The following GOLM2 variants were observed in gnomAD, a reference collection of about 807,000 sequenced individuals.
The protein encoded by GOLM2 is protein GOLM2.
A neutral mutation model predicts 55.9 loss-of-function variants in GOLM2; 26 were observed. That is an observed-to-expected ratio of 0.47 (90% CI 0.34 to 0.65). GOLM2 has a LOEUF of 0.65. GOLM2 is among the 30% of genes least tolerant of loss of function. The probability of loss-of-function intolerance (pLI) is 0.01; values close to 1 mark genes in which losing one functional copy is unlikely to be tolerated. For synonymous variants in GOLM2, 165 were observed against 194.6 expected, an observed-to-expected ratio of 0.85 and a Z score of 1.27; for missense variants, 486 against 531.8, an observed-to-expected ratio of 0.91 and a Z score of 0.85.
At chr15:44,372,236 C>T (rs1324835790) in intron 6 of GOLM2, among the ~76,000 whole-genome samples, 5 of 152,176 alleles carry the variant, frequency 3.3e-5, no homozygotes, top group East Asian at 1.9e-4. Context: ...ATGTTCAGTA[C>T]GTCTGTGGTA....
chr15:44,385,635 C>G (rs901305853), intron 8 of GOLM2, among the ~76,000 whole-genome samples: 4 of 152,168 alleles, frequency 2.6e-5, no homozygotes, highest in Non-Finnish European at 4.4e-5. Context: ...CAGCCTCAAA[C>G]TCCTAGGCTC....
intron 6 of GOLM2, chr15:44,348,432 C>A (rs2079139398): frequency 6.6e-6 from 1 of 151,310 alleles, no homozygotes; most frequent in African/African-American, 2.4e-5. Context: ...CAGTACTCCC[C>A]ATGGGCCTGT....
intron 6 of GOLM2, among the ~76,000 whole-genome samples, chr15:44,374,387 G>A (rs922308722): frequency 1.3e-5 from 2 of 151,792 alleles, no homozygotes; most frequent in Non-Finnish European, 2.9e-5. Context: ...GATGGTTCAC[G>A]CCTGTAATCC....
chr15:44,290,044 G>T (rs547820474), intron 1 of GOLM2, among the ~76,000 whole-genome samples: 15 of 152,076 alleles, frequency 9.9e-5, no homozygotes, highest in Non-Finnish European at 2.2e-4. Context: ...TTTAAGCAGT[G>T]GAATGTCATG....
At chr15:44,308,940 C>T (rs1053278510) in intron 1 of GOLM2, among the ~76,000 whole-genome samples, 5 of 152,054 alleles carry the variant, frequency 3.3e-5, no homozygotes, top group African/African-American at 4.8e-5. Context: ...AATGTAATAA[C>T]AATGAACAAC....
intron 8 of GOLM2, among the ~76,000 whole-genome samples, chr15:44,384,702 G>A (rs190932517): frequency 1.6e-4 from 24 of 151,238 alleles, no homozygotes; most frequent in East Asian, 5.9e-4. Flanking sequence ...AGCCAAGATC[G>A]CGCCACTGCA....
intron 8 of GOLM2, among the ~76,000 whole-genome samples, chr15:44,399,704 A>T (rs1294586210): frequency 2.0e-5 from 3 of 152,056 alleles, no homozygotes. Context: ...ACTCTGATTT[A>T]AAAATGAAGG....
intron 6 of GOLM2, among the ~76,000 whole-genome samples, chr15:44,350,344 A>G (rs1357915168): frequency 6.6e-6 from 1 of 152,220 alleles, no homozygotes. Context: ...ACTATGAGCA[A>G]CTATATGCCA....
intron 6 of GOLM2, among the ~76,000 whole-genome samples, chr15:44,350,243 C>A (rs559319549): frequency 6.6e-6 from 1 of 151,694 alleles, no homozygotes; most frequent in South Asian, 2.1e-4. Flanking sequence ...TTTAGCCAGA[C>A]TAAGAAAAAA....
intron 1 of GOLM2, among the ~76,000 whole-genome samples, chr15:44,298,794 G>T (rs772831171): frequency 3.8e-4 from 58 of 152,214 alleles, no homozygotes; most frequent in Non-Finnish European, 6.2e-4. Flanking sequence ...TCCCCTAAAA[G>T]GATATATTGA....
rs543595623 is a variant in GOLM2 at position 44,410,517 on chromosome 15, A to T, written c.1241-2819A>T. 4.6e-5 allele frequency among the ~76,000 whole-genome samples: 7 copies of T among 152,272 alleles called. No individual in the cohort carries two copies. In the East Asian group the frequency reaches 1.4e-3, roughly 29 times the overall value. On this transcript the variant is annotated intron_variant, in intron 9 of 9. Transcript: ENST00000299957. ...TAAAGTAAAAGTGTGAAATGGATAT[A>T]ATTTCAGGCTTTAACACATATTAAG... is the stretch of plus-strand genomic sequence containing the variant.
intron 4 of GOLM2, 77 bp from the exon 5 acceptor site, chr15:44,337,686 G>A: frequency 9.4e-7 from 1 of 1,065,468 alleles, no homozygotes; most frequent in Non-Finnish European, 1.3e-6. Context: ...AACTGTTTCA[G>A]AACATTTAAT....
At chr15:44,362,629 A>T (rs974459158) in intron 6 of GOLM2, among the ~76,000 whole-genome samples, 20 of 152,322 alleles carry the variant, frequency 1.3e-4, no homozygotes, top group Non-Finnish European at 2.1e-4. Flanking sequence ...AAGGTAATTT[A>T]TAGATTCAAT....
intron 1 of GOLM2, among the ~76,000 whole-genome samples, chr15:44,304,018 C>T (rs993599708): frequency 7.3e-5 from 11 of 151,184 alleles, no homozygotes; most frequent in Middle Eastern, 3.4e-3. Flanking sequence ...GTGTGAACCA[C>T]GGTGCCTGGC....
In GOLM2 at chr15:44,337,772, C is replaced by G. The variant is rs771487102; in HGVS notation, c.586C>G (p.Gln196Glu). The G allele has an allele frequency of 1.0e-5, 16 of 1,572,954 alleles. No homozygotes were observed. The highest frequency in any genetic ancestry group is 1.1e-5 in the Non-Finnish European group (13 of 1,168,076). ...AAATTTTGTCTAACAGCAAGAGACC[C>G]AAAAGATTCAATCAAATGATGGAAA... Reference protein sequence around the residue: ...QFLEEQKQETQKIQSNDGKEL... With the variant: ...QFLEEQKQETEKIQSNDGKEL... The change falls in exon 5 of 10, where the codon CAA (glutamine) becomes GAA (glutamate). Residue 196 changes from glutamine (Q) to glutamate (E), a missense_variant. Transcript: ENST00000299957.
chr15:44,300,712 T>C (rs371300330), intron 1 of GOLM2, among the ~76,000 whole-genome samples: 4 of 152,220 alleles, frequency 2.6e-5, no homozygotes, highest in African/African-American at 7.2e-5. Context: ...CAATTTTTGG[T>C]TGAAGACCTT....
rs2079451921 is a variant in GOLM2, at chr15:44,387,182, G to GGA, written c.1072+6207_1072+6208dup. On this transcript the variant is annotated intron_variant, in intron 8 of 9. Coordinates refer to ENST00000299957, the MANE Select transcript of GOLM2 (RefSeq NM_138423.4). ...TGGGCAGCAGAGCAAGACCTTGTCTGGAAAAAAAAAAAAAAAAAAAAAGGA... is the reference window on the plus strand; with the variant it reads ...TGGGCAGCAGAGCAAGACCTTGTCTGGAGAAAAAAAAAAAAAAAAAAAAAGGA... 2.3e-5 allele frequency: 3 copies of GGA among 128,410 alleles called. No individual in the cohort carries two copies. In the South Asian group the frequency reaches 7.2e-4, roughly 31 times the overall value. 8.0% of individuals were successfully genotyped at this position (128,410 alleles called of 1,614,324 possible).
At chr15:44,371,604 G>T (rs1320842377) in intron 6 of GOLM2, among the ~76,000 whole-genome samples, 1 of 152,106 alleles carries the variant, frequency 6.6e-6, no homozygotes, top group East Asian at 1.9e-4. Flanking sequence ...TCGTTGTTTT[G>T]TATTTAATGT....
chr15:44,366,496 T>C (rs1164592363), intron 6 of GOLM2, among the ~76,000 whole-genome samples: 1 of 151,888 alleles, frequency 6.6e-6, no homozygotes, highest in Non-Finnish European at 1.5e-5. Flanking sequence ...TAGCCATGCA[T>C]GGTGGCATAC....
Sources: allele counts gnomAD v4.1 joint callset (sites outside exome capture counted in the v4.1 genomes callset), GRCh38; gene constraint gnomAD v4.1.1; transcripts MANE v1.5; gene names NCBI Gene and HGNC (gene_info 2026-07-23, HGNC 2026-07-21).